The following SYNE2 variants were observed in gnomAD, a reference collection of about 807,000 sequenced individuals.
SYNE2 encodes nesprin-2.
In SYNE2, 431 loss-of-function variants were observed where a neutral mutation model predicts 856.3. The observed-to-expected ratio is 0.50, with a 90% CI of 0.47 to 0.55. The LOEUF (loss-of-function observed/expected upper bound fraction) is 0.55. SYNE2 is among the 20% of genes least tolerant of loss of function. The pLI, the probability that SYNE2 is intolerant of heterozygous loss-of-function variation, is 0.00. For missense variants in SYNE2, 8,129 were observed against 8,023.2 expected, an observed-to-expected ratio of 1.01 and a Z score of -0.50; for synonymous variants, 2,923 against 2,872.3, an observed-to-expected ratio of 1.02 and a Z score of -0.56.
At chr14:64,026,845 G>C in intron 42 of SYNE2, 115 bp downstream of exon 42, 1 of 1,275,744 alleles carries the variant, frequency 7.8e-7, no homozygotes, top group Non-Finnish European at 1.1e-6. Flanking sequence ...GAGAAAGTTG[G>C]TAATGTCAGG....
At chr14:64,145,209 G>A (rs116033298) in intron 83 of SYNE2, among the ~76,000 whole-genome samples, 4,289 of 151,464 alleles carry the variant, frequency 0.028, 219 homozygotes, top group African/African-American at 0.099. Context: ...TTACAGGTAA[G>A]AGCCACCACG....
At chr14:63,929,313 A>C (rs1330883735) in intron 2 of SYNE2, among the ~76,000 whole-genome samples, 2 of 152,342 alleles carry the variant, frequency 1.3e-5, no homozygotes, top group East Asian at 3.9e-4. Flanking sequence ...GAGCTAAAAA[A>C]ATCTGTATCC....
intron 58 of SYNE2, among the ~76,000 whole-genome samples, chr14:64,089,236 C>G (rs1352334836): frequency 6.6e-6 from 1 of 151,652 alleles, no homozygotes. Context: ...CATGGTGGCA[C>G]GTGCCTGTAA....
chr14:64,087,420 A>T (rs760430306), intron 57 of SYNE2: 1 of 649,020 alleles, frequency 1.5e-6, no homozygotes, highest in African/African-American at 1.8e-5. Flanking sequence ...TTATTAAAGG[A>T]TTCCAAGTGT....
chr14:64,107,960 A>T lies in SYNE2; in HGVS notation c.12609+353A>T, dbSNP rs532919286. 2.0e-3 allele frequency among the ~76,000 whole-genome samples: 308 copies of T among 152,340 alleles called. 3 individuals carry two copies. Among genetic ancestry groups the T allele is most frequent in the African/African-American group, 7.1e-3 (294 of 41,572 alleles). On this transcript the variant is annotated intron_variant, in intron 65 of 115. Transcript: ENST00000555002. Reference sequence around the variant, plus strand: ...ATTAATAGCCTGTTACATAAAAGGCATTTATAGTTATCTGTTTAACCCTCA... The same window carrying T: ...ATTAATAGCCTGTTACATAAAAGGCTTTTATAGTTATCTGTTTAACCCTCA...
At chr14:63,978,066 T>A in intron 13 of SYNE2, 49 bp downstream of exon 13, 2 of 1,170,952 alleles carry the variant, frequency 1.7e-6, no homozygotes, top group Non-Finnish European at 2.6e-6. Context: ...CACGTTTGAG[T>A]AACAACTGAT....
At chr14:63,965,723 G>C (rs918861428) in intron 10 of SYNE2, among the ~76,000 whole-genome samples, 1 of 152,198 alleles carries the variant, frequency 6.6e-6, no homozygotes, top group Non-Finnish European at 1.5e-5. Context: ...ACATTCAGTG[G>C]GTTGTGCAAC....
chr14:64,197,500 G>A (rs1040771380), intron 99 of SYNE2, among the ~76,000 whole-genome samples: 1 of 152,174 alleles, frequency 6.6e-6, no homozygotes, highest in Non-Finnish European at 1.5e-5. Context: ...CAATTGTACA[G>A]GATTTGTACA....
Position 64,209,320 on chromosome 14 carries a change from G to A in SYNE2, c.18390-108G>A, listed in dbSNP as rs2098627941. 7 of 1,569,946 alleles carry A rather than the reference G, an allele frequency of 4.5e-6. No homozygotes were observed. The South Asian group carries it at 5.7e-5, about 13-fold the overall frequency. On this transcript the variant is annotated intron_variant, in intron 101 of 115. Coordinates refer to ENST00000555002, the MANE Select transcript of SYNE2 (RefSeq NM_182914.3). ...GCGTCCCTCTTATTTCCCAGAAGGG[G>A]TAACAGGGTCTCCCCCACTAAACCG... is the stretch of plus-strand genomic sequence containing the variant.
chr14:64,119,013 T>TAG (rs1238915375), intron 66 of SYNE2, among the ~76,000 whole-genome samples: 3 of 152,154 alleles, frequency 2.0e-5, no homozygotes, highest in Non-Finnish European at 4.4e-5. Flanking sequence ...GGTTATTATC[T>TAG]TCATTTTACA....
chr14:64,132,238 A>G (rs376593488), intron 76 of SYNE2, 27 bp from the exon 77 acceptor site: 20 of 1,611,340 alleles, frequency 1.2e-5, no homozygotes, highest in African/African-American at 4.0e-5. Flanking sequence ...TTTCAAAGTA[A>G]ATATTAAAAC....
At chr14:64,175,252 A>T in intron 95 of SYNE2, 114 bp downstream of exon 95, 1 of 1,212,758 alleles carries the variant, frequency 8.2e-7, no homozygotes, top group Non-Finnish European at 1.2e-6. Flanking sequence ...TGAGTTTCCA[A>T]CTCAAGCTGT....
chr14:64,216,241 G>T lies in SYNE2; in HGVS notation c.19403-7G>T. On this transcript the variant is annotated splice_polypyrimidine_tract_variant and splice_region_variant and intron_variant, in intron 107 of 115. Coordinates refer to ENST00000555002, the MANE Select transcript of SYNE2 (RefSeq NM_182914.3). ...AATAGACTGTCGCTTGCTGTCTTTCGTTTCAGGTAAATCCATTTCGGATGG... is the reference window on the plus strand; with the variant it reads ...AATAGACTGTCGCTTGCTGTCTTTCTTTTCAGGTAAATCCATTTCGGATGG... 6.2e-7 allele frequency: 1 copy of T among 1,614,114 alleles called. No homozygotes were observed.
At chr14:63,773,347 A>G (rs1194809293) in intron 1 of SYNE2, among the ~76,000 whole-genome samples, 1 of 151,794 alleles carries the variant, frequency 6.6e-6, no homozygotes, top group East Asian at 1.9e-4. Flanking sequence ...CCACGGGTGC[A>G]CACGACCATG....
Position 64,140,076 on chromosome 14 carries a change from A to G in SYNE2, c.14976+3A>G, listed in dbSNP as rs747632731. 63 of 1,612,762 alleles carry G rather than the reference A, an allele frequency of 3.9e-5. No individual in the cohort carries two copies. Among genetic ancestry groups the G allele is most frequent in the Non-Finnish European group, 4.5e-5 (53 of 1,179,636 alleles). On this transcript the variant is annotated splice_donor_region_variant and intron_variant, in intron 80 of 115. Coordinates refer to ENST00000555002, the MANE Select transcript of SYNE2 (RefSeq NM_182914.3). ...GAAGCAACATCAACAATTTTTTTGT[A>G]AGTTGTAATAGCATATGTTCAGTTA...
rs1223012070 is a variant in SYNE2 at position 63,948,748 on chromosome 14, GTGTATATATA to G, written c.409-1061_409-1052del. ...TATATATATGTGTATAGATATGTGT[GTGTATATATA>G]TGTATATATATGTATGTGTGTGTGT... On this transcript the variant is annotated intron_variant, in intron 6 of 115. Transcript: ENST00000555002. Among the ~76,000 whole-genome samples the G allele has an allele frequency of 9.4e-4, 114 of 121,574 alleles. 6 individuals carry two copies. Among genetic ancestry groups the G allele is most frequent in the African/African-American group, 3.4e-3 (111 of 32,310 alleles). 79.8% of individuals were successfully genotyped at this position (121,574 alleles called of 152,430 possible).
intron 1 of SYNE2, among the ~76,000 whole-genome samples, chr14:63,891,803 C>G (rs1320838913): frequency 1.3e-5 from 2 of 151,946 alleles, no homozygotes; most frequent in Non-Finnish European, 2.9e-5. Flanking sequence ...AAGAATGGGT[C>G]CCGGCCAAGC....
chr14:63,843,179 G>T (rs1366075915), intron 1 of SYNE2, among the ~76,000 whole-genome samples: 1 of 151,970 alleles, frequency 6.6e-6, no homozygotes, highest in Non-Finnish European at 1.5e-5. Flanking sequence ...TGGGGCTATA[G>T]GTGTGCCCCA....
chr14:63,959,301 T>C (rs1341433814), intron 8 of SYNE2, among the ~76,000 whole-genome samples: 14 of 138,468 alleles, frequency 1.0e-4, no homozygotes, highest in African/African-American at 3.0e-4. Flanking sequence ...TTTTTTTTTT[T>C]TTTTTTTTTT....
Sources: allele counts gnomAD v4.1 joint callset (sites outside exome capture counted in the v4.1 genomes callset), GRCh38; gene constraint gnomAD v4.1.1; transcripts MANE v1.5; gene names NCBI Gene and HGNC (gene_info 2026-07-23, HGNC 2026-07-21).